Variants in EIF3H observed in about 807,000 individuals in gnomAD.
The protein encoded by EIF3H is eukaryotic translation initiation factor 3 subunit H, also known as eIF-3-gamma.
A neutral mutation model predicts 44.2 loss-of-function variants in EIF3H; 26 were observed. The ratio of observed to expected loss-of-function variants is 0.59; its 90% confidence interval spans 0.43 to 0.82. The LOEUF is 0.82. EIF3H is among the 40% of genes least tolerant of loss of function. The pLI is 0.00. For missense variants in EIF3H, 359 were observed against 432.8 expected (o/e 0.83, Z 1.51); for synonymous variants, 166 against 151.9 (o/e 1.09, Z -0.68).
At chr8:116,721,032 G>A (rs763812961) in intron 2 of EIF3H, among the ~76,000 whole-genome samples, 123 of 152,142 alleles carry the variant, frequency 8.1e-4, no homozygotes, top group Non-Finnish European at 1.3e-3. Flanking sequence ...GGAGCCAAAT[G>A]TGCATCTCCA....
At chr8:116,714,415 A>G (rs1814625812) in intron 2 of EIF3H, among the ~76,000 whole-genome samples, 1 of 152,050 alleles carries the variant, frequency 6.6e-6, no homozygotes, top group Admixed American at 6.6e-5. Context: ...TTTTATGTAC[A>G]CACTTGTCTC....
At chr8:116,727,205 T>C (rs62510184) in intron 1 of EIF3H, among the ~76,000 whole-genome samples, 1,820 of 152,286 alleles carry the variant, frequency 0.012, 20 homozygotes, top group Non-Finnish European at 0.018. Context: ...GCCACACGGA[T>C]GGTGAAGAAA....
intron 2 of EIF3H, among the ~76,000 whole-genome samples, chr8:116,668,428 A>T (rs902298649): frequency 3.3e-5 from 5 of 152,148 alleles, no homozygotes; most frequent in African/African-American, 4.8e-5. Flanking sequence ...TTCTTTGGCA[A>T]ACGAATTATT....
intron 2 of EIF3H, among the ~76,000 whole-genome samples, chr8:116,711,362 T>C (rs1241898625): frequency 6.6e-6 from 1 of 152,202 alleles, no homozygotes; most frequent in African/African-American, 2.4e-5. Context: ...CAACTCCTCA[T>C]CCTCTTCTAG....
intron 2 of EIF3H, among the ~76,000 whole-genome samples, chr8:116,700,857 C>T (rs1814363166): frequency 6.6e-6 from 1 of 152,040 alleles, no homozygotes; most frequent in Admixed American, 6.6e-5. Context: ...TCTATCACTG[C>T]TAATTTACTT....
rs1300620354 is a variant in EIF3H at position 116,746,231 on chromosome 8, ACC to A, written c.132+9433_132+9434del. The stretch of plus-strand genomic sequence containing the variant: ...TTTTAAAGTTAGAAGTCTGTAAGAC[ACC>A]TGAGTTCTGAAAAACATATTTCCCA... On this transcript the variant is annotated intron_variant, in intron 1 of 7. Transcript: ENST00000521861. Among the ~76,000 whole-genome samples the A allele has an allele frequency of 2.6e-5, 4 of 152,354 alleles. No homozygotes were observed. The East Asian group carries it at 7.7e-4, about 29-fold the overall frequency.
chr8:116,737,177 G>A (rs1815056417), intron 1 of EIF3H: 1 of 412,792 alleles, frequency 2.4e-6, no homozygotes, highest in Non-Finnish European at 4.7e-6. Context: ...AAGTGTGCAA[G>A]CCCTAAAAAC....
chr8:116,754,162 G>A (rs533730387), intron 1 of EIF3H, among the ~76,000 whole-genome samples: 1 of 151,748 alleles, frequency 6.6e-6, no homozygotes, highest in South Asian at 2.1e-4. Context: ...TGCCCAGGCT[G>A]GAGTGCAGTG....
intron 1 of EIF3H, among the ~76,000 whole-genome samples, chr8:116,743,455 A>ATACATACAT (rs1554603222): frequency 6.6e-6 from 1 of 151,646 alleles, no homozygotes; most frequent in East Asian, 1.9e-4. Context: ...TGTCTCAAAA[A>ATACATACAT]ATAATAGGCC....
rs1813240188 is a variant in EIF3H, at chr8:116,642,761, C to T, written c.*2245G>A. On this transcript the variant is annotated 3_prime_UTR_variant, in exon 8 of 8. Coordinates refer to ENST00000521861, the MANE Select transcript of EIF3H (RefSeq NM_003756.3). ...TCCTGAAAAATGTCAGAATACAGCA[C>T]TCAAATCAAATGCCGAACAGAAGCT... 6.6e-6 allele frequency: 1 copy of T among 152,134 alleles called. No homozygotes were observed. 9.4% of individuals were successfully genotyped at this position (152,134 alleles called of 1,614,324 possible).
chr8:116,747,141 C>A (rs980440120), intron 1 of EIF3H, among the ~76,000 whole-genome samples: 1 of 152,058 alleles, frequency 6.6e-6, no homozygotes, highest in Non-Finnish European at 1.5e-5. Flanking sequence ...CGGCTCACTG[C>A]AACCTCTGCC....
intron 2 of EIF3H, among the ~76,000 whole-genome samples, chr8:116,696,828 A>G (rs1475009357): frequency 6.6e-6 from 1 of 152,224 alleles, no homozygotes; most frequent in Non-Finnish European, 1.5e-5. Context: ...ATGATAAAGT[A>G]CAAGTTTGAC....
At position 116,642,857 on chromosome 8, in the gene EIF3H, ATGAT is replaced by A. The variant is rs1390191697; in HGVS notation, c.*2145_*2148del. The A allele has an allele frequency of 6.6e-6, 1 of 152,218 alleles. No homozygotes were observed. The highest frequency in any genetic ancestry group is 1.9e-4 in the East Asian group (1 of 5,204). 9.4% of individuals were successfully genotyped at this position (152,218 alleles called of 1,614,324 possible). On this transcript the variant is annotated 3_prime_UTR_variant, in exon 8 of 8. Transcript: ENST00000521861. ...GTTTTCCTAAACAGTTTTTCCCACT[ATGAT>A]TAATTCCCAAATCAAAAATTACTGA...
intron 1 of EIF3H, among the ~76,000 whole-genome samples, chr8:116,744,840 T>A: frequency 6.6e-6 from 1 of 152,214 alleles, no homozygotes. Flanking sequence ...ATGGTAGACT[T>A]GATGAAGTAA....
intron 2 of EIF3H, among the ~76,000 whole-genome samples, chr8:116,702,974 C>T (rs1456482039): frequency 6.6e-6 from 1 of 152,124 alleles, no homozygotes; most frequent in African/African-American, 2.4e-5. Flanking sequence ...CAGCCTAGAT[C>T]CCTCACATGC....
At chr8:116,696,404 A>C (rs1470871528) in intron 2 of EIF3H, among the ~76,000 whole-genome samples, 3 of 152,232 alleles carry the variant, frequency 2.0e-5, no homozygotes, top group Non-Finnish European at 4.4e-5. Context: ...ACTAAATTGA[A>C]AATTATATAG....
At chr8:116,698,725 C>G (rs1327681700) in intron 2 of EIF3H, among the ~76,000 whole-genome samples, 1 of 152,222 alleles carries the variant, frequency 6.6e-6, no homozygotes, top group African/African-American at 2.4e-5. Flanking sequence ...CACTACCAAT[C>G]TCTTTCTGCA....
chr8:116,645,087 G>GT lies in EIF3H; in HGVS notation c.977dup (p.Tyr326Ter). ...SLLIAGQINT[Y>*]CQNIKEFTAQ... ...CAGTGAACTCCTTGATGTTCTGGCA[G>GT]TAAGTGTTTATCTGGCCTGTGCATT... is the stretch of plus-strand genomic sequence containing the variant. Residue 326 changes from tyrosine (Y) to a stop codon, truncating the protein, a stop_gained and frameshift_variant, in exon 8 of 8, where the codon TAC (tyrosine) becomes TAAC (stop). Transcript: ENST00000521861. LOFTEE classifies it high-confidence loss of function. 6.2e-7 allele frequency: 1 copy of GT among 1,613,984 alleles called. No individual in the cohort carries two copies. The highest frequency in any genetic ancestry group is 8.5e-7 in the Non-Finnish European group (1 of 1,179,882).
intron 1 of EIF3H, among the ~76,000 whole-genome samples, chr8:116,751,623 T>C (rs1815346322): frequency 6.6e-6 from 1 of 152,176 alleles, no homozygotes; most frequent in African/African-American, 2.4e-5. Context: ...AAACAGGCAA[T>C]GGGTATTCAA....
Sources: allele counts gnomAD v4.1 joint callset (sites outside exome capture counted in the v4.1 genomes callset), GRCh38; gene constraint gnomAD v4.1.1; transcripts MANE v1.5; gene names NCBI Gene and HGNC (gene_info 2026-07-23, HGNC 2026-07-21).